ZNF148: variants seen among roughly 807,000 people sequenced by gnomAD.
ZNF148 encodes the protein Beta-Enolase Repressor Factor-1.
In ZNF148, 7 loss-of-function variants were observed where a neutral mutation model predicts 67.7. That is an observed-to-expected ratio of 0.10 (90% CI 0.06 to 0.19). The LOEUF is 0.19. ZNF148 is among the 10% of genes least tolerant of loss of function. The pLI is 1.00. For missense variants in ZNF148, 583 were observed against 947.1 expected (o/e 0.62, Z 5.05); for synonymous variants, 333 against 330.7 (o/e 1.01, Z -0.08).
rs1008269139 is a variant in ZNF148, at chr3:125,310,046, C to T, written c.333+3262G>A. ...CAAAATACTTGGATATTAAACAACA[C>T]ACTTCTAAACAATAATGGTTCAAAG... On this transcript the variant is annotated intron_variant, in intron 4 of 8. Coordinates refer to ENST00000360647, the MANE Select transcript of ZNF148 (RefSeq NM_021964.3). Among the ~76,000 whole-genome samples, 3 of 151,382 alleles carry T rather than the reference C, an allele frequency of 2.0e-5. No individual in the cohort carries two copies. In the East Asian group the frequency reaches 5.8e-4, roughly 29 times the overall value.
intron 7 of ZNF148, among the ~76,000 whole-genome samples, chr3:125,267,692 A>T (rs1199831773): frequency 1.3e-5 from 2 of 152,054 alleles, no homozygotes; most frequent in Non-Finnish European, 2.9e-5. Context: ...TATTCTCATC[A>T]CTCCTCTTCA....
chr3:125,286,256 GGA>G (rs1448383138), intron 5 of ZNF148, among the ~76,000 whole-genome samples: 9 of 152,138 alleles, frequency 5.9e-5, no homozygotes, highest in Non-Finnish European at 4.4e-5. Context: ...AGAAGTGGAG[GGA>G]GAGGGAAGAA....
chr3:125,323,798 A>G (rs555277315), intron 2 of ZNF148, among the ~76,000 whole-genome samples: 66 of 152,164 alleles, frequency 4.3e-4, no homozygotes, highest in African/African-American at 1.5e-3. Flanking sequence ...GTCTCTACTA[A>G]AAATACAAAA....
chr3:125,350,728 G>A (rs2333198), intron 1 of ZNF148, among the ~76,000 whole-genome samples: 117,947 of 152,150 alleles, frequency 0.78, 46,553 homozygotes, highest in African/African-American at 0.91. Flanking sequence ...ATTTGACAGT[G>A]GGCAGAGCTC....
rs545952559 is a variant in ZNF148, at chr3:125,276,072, C to T, written c.667+1654G>A. ...CGTAAACTCCAAAGAAAGAAACTGC[C>T]TTCTGTTATCTATTTCTGGTGCTTG... On this transcript the variant is annotated intron_variant, in intron 7 of 8. Transcript: ENST00000360647. Among the ~76,000 whole-genome samples, 4 of 152,260 alleles carry T rather than the reference C, an allele frequency of 2.6e-5. No homozygotes were observed. In the South Asian group the frequency reaches 8.3e-4, roughly 32 times the overall value.
chr3:125,243,118 AG>A (rs1936441113), intron 7 of ZNF148, among the ~76,000 whole-genome samples: 3 of 152,196 alleles, frequency 2.0e-5, no homozygotes, highest in African/African-American at 4.8e-5. Flanking sequence ...CTTTTCACCT[AG>A]GAAGAAAAAA....
chr3:125,306,503 C>T (rs1939884711), intron 4 of ZNF148, among the ~76,000 whole-genome samples: 1 of 151,988 alleles, frequency 6.6e-6, no homozygotes, highest in South Asian at 2.1e-4. Context: ...GAACTTTGGT[C>T]AATTAAACAA....
intron 1 of ZNF148, chr3:125,344,273 C>T (rs531946825): frequency 3.4e-5 from 14 of 411,110 alleles, no homozygotes; most frequent in South Asian, 1.3e-4. Flanking sequence ...CCAAACGACA[C>T]GAAAGAGAAT....
chr3:125,249,264 T>C (rs1005833202), intron 7 of ZNF148, among the ~76,000 whole-genome samples: 1 of 152,160 alleles, frequency 6.6e-6, no homozygotes, highest in Non-Finnish European at 1.5e-5. Flanking sequence ...GCAAGCCATA[T>C]ATTCATCAAG....
chr3:125,230,707 A>G lies in ZNF148; in HGVS notation c.*1634T>C, dbSNP rs890826129. On this transcript the variant is annotated 3_prime_UTR_variant, in exon 9 of 9. Transcript: ENST00000360647. ...AAGACTGCAGAGCTATAGGGCCAGT[A>G]TAAGAGTCAAAATGGAAATTAAGAA... 5 of 152,456 alleles carry G rather than the reference A, an allele frequency of 3.3e-5. No homozygotes were observed. The highest frequency in any genetic ancestry group is 5.9e-5 in the Non-Finnish European group (4 of 67,962). The allele number at this position is 152,456 out of a possible 1,614,324, so 9.4% of individuals were successfully genotyped here. A position where few individuals can be genotyped will look rare whatever the true frequency, so the allele number is the denominator to read the frequency against.
intron 3 of ZNF148, among the ~76,000 whole-genome samples, chr3:125,316,172 CTG>C (rs1940483845): frequency 6.6e-6 from 1 of 152,140 alleles, no homozygotes; most frequent in African/African-American, 2.4e-5. Flanking sequence ...TTGCAAATGA[CTG>C]GATCTCATTC....
intron 4 of ZNF148, among the ~76,000 whole-genome samples, chr3:125,290,377 T>C (rs955166926): frequency 2.6e-5 from 4 of 152,176 alleles, no homozygotes; most frequent in Non-Finnish European, 5.9e-5. Context: ...TTTATTTTCC[T>C]GACTTTAAAG....
At chr3:125,334,830 C>A (rs1224417446) in intron 1 of ZNF148, among the ~76,000 whole-genome samples, 6 of 152,126 alleles carry the variant, frequency 3.9e-5, no homozygotes, top group Admixed American at 1.3e-4. Context: ...TTTCAGACCT[C>A]ATTTTCTAGC....
At chr3:125,259,699 T>C (rs779059129) in intron 7 of ZNF148, among the ~76,000 whole-genome samples, 1 of 152,194 alleles carries the variant, frequency 6.6e-6, no homozygotes, top group Non-Finnish European at 1.5e-5. Context: ...CGGTGGCTCA[T>C]ACCTGCAATC....
chr3:125,288,030 G>C, intron 5 of ZNF148, 73 bp downstream of exon 5: 1 of 1,602,736 alleles, frequency 6.2e-7, no homozygotes. Flanking sequence ...GGTCCAGCCA[G>C]GTTCTTGCCT....
chr3:125,350,531 A>G (rs1158199330), intron 1 of ZNF148, among the ~76,000 whole-genome samples: 1 of 152,178 alleles, frequency 6.6e-6, no homozygotes, highest in Non-Finnish European at 1.5e-5. Flanking sequence ...TTTTAGCACC[A>G]GGGACTGGTT....
At chr3:125,355,902 C>A (rs1288408647) in intron 1 of ZNF148, among the ~76,000 whole-genome samples, 1 of 152,018 alleles carries the variant, frequency 6.6e-6, no homozygotes, top group Non-Finnish European at 1.5e-5. Context: ...GTAAAGAATC[C>A]TCAATAAAGA....
intron 7 of ZNF148, among the ~76,000 whole-genome samples, chr3:125,267,886 G>A (rs1937570032): frequency 1.3e-5 from 2 of 151,922 alleles, no homozygotes; most frequent in South Asian, 4.1e-4. Flanking sequence ...AAAGTTTCAG[G>A]ATACAAAATC....
At chr3:125,274,198 T>C (rs909586724) in intron 7 of ZNF148, among the ~76,000 whole-genome samples, 3 of 152,352 alleles carry the variant, frequency 2.0e-5, no homozygotes, top group East Asian at 1.9e-4. Flanking sequence ...TGTTTAACCT[T>C]GATATGCGCT....
Sources: allele counts gnomAD v4.1 joint callset (sites outside exome capture counted in the v4.1 genomes callset), GRCh38; gene constraint gnomAD v4.1.1; transcripts MANE v1.5; gene names NCBI Gene and HGNC (gene_info 2026-07-23, HGNC 2026-07-21).